GPR149: variants seen among roughly 807,000 people sequenced by gnomAD.
GPR149 encodes G protein-coupled receptor 149.
Under a neutral mutation model 50.2 loss-of-function variants are expected in GPR149, and 50 were observed. The ratio of observed to expected loss-of-function variants is 1.00; its 90% confidence interval spans 0.79 to 1.26. The LOEUF (loss-of-function observed/expected upper bound fraction) is 1.26, where lower values mean the gene tolerates loss of function less well. Ranked by LOEUF, GPR149 falls within the 50% of genes most tolerant of loss-of-function variation. The pLI is 0.00. For missense variants in GPR149, 983 were observed against 895.4 expected, an observed-to-expected ratio of 1.10 and a Z score of -1.25; for synonymous variants, 405 against 358.2, an observed-to-expected ratio of 1.13 and a Z score of -1.48.
At position 154,420,519 on chromosome 3, in the gene GPR149, TA is replaced by T. The variant is rs964884146; in HGVS notation, c.1623+519del. ...ATGCTCACGAGAATGTATTCTGTAA[TA>T]TTTTTTTTCTGCTGGGTACTGGAGG... On this transcript the variant is annotated intron_variant, in intron 3 of 3. Coordinates refer to ENST00000389740, the MANE Select transcript of GPR149 (RefSeq NM_001038705.3). Among the ~76,000 whole-genome samples the T allele has an allele frequency of 1.1e-4, 17 of 152,140 alleles. No individual in the cohort carries two copies. In the South Asian group the frequency reaches 2.5e-3, roughly 22 times the overall value.
intron 3 of GPR149, among the ~76,000 whole-genome samples, chr3:154,375,432 A>T (rs1714769474): frequency 6.6e-6 from 1 of 152,202 alleles, no homozygotes; most frequent in Admixed American, 6.5e-5. Context: ...AAATACCTGT[A>T]GGCTATTTTG....
chr3:154,411,515 A>C (rs1316240786), intron 3 of GPR149, among the ~76,000 whole-genome samples: 1 of 152,162 alleles, frequency 6.6e-6, no homozygotes, highest in Non-Finnish European at 1.5e-5. Flanking sequence ...GAAATGGGAA[A>C]TATTACAGAT....
intron 3 of GPR149, among the ~76,000 whole-genome samples, chr3:154,365,604 C>T (rs921552444): frequency 2.0e-5 from 3 of 152,142 alleles, no homozygotes; most frequent in African/African-American, 7.2e-5. Context: ...TTACTATAAG[C>T]GGTTAAGAAA....
At chr3:154,374,890 A>C (rs937270244) in intron 3 of GPR149, among the ~76,000 whole-genome samples, 17 of 152,182 alleles carry the variant, frequency 1.1e-4, no homozygotes, top group Non-Finnish European at 2.1e-4. Flanking sequence ...ACAGACTGCT[A>C]TTACAGTTAC....
chr3:154,343,935 C>T (rs1713861421), intron 3 of GPR149, among the ~76,000 whole-genome samples: 1 of 151,934 alleles, frequency 6.6e-6, no homozygotes, highest in African/African-American at 2.4e-5. Flanking sequence ...GCCATGATCA[C>T]GCCACTGCAT....
intron 2 of GPR149, among the ~76,000 whole-genome samples, chr3:154,421,699 G>C (rs16824029): frequency 0.13 from 19,166 of 151,682 alleles, 1,371 homozygotes; most frequent in East Asian, 0.27. Context: ...TTTACAAAAT[G>C]ATGGTCTTTA....
At chr3:154,415,136 AGT>A (rs1415330655) in intron 3 of GPR149, among the ~76,000 whole-genome samples, 2 of 138,638 alleles carry the variant, frequency 1.4e-5, no homozygotes, top group African/African-American at 2.7e-5. Flanking sequence ...CTTGAGTTCA[AGT>A]AGAGAGTAAC....
chr3:154,337,942 G>A lies in GPR149; in HGVS notation c.1953C>T (p.Ser651=), dbSNP rs762772012. 2.5e-6 allele frequency: 4 copies of A among 1,613,502 alleles called. No homozygotes were observed. In the South Asian group the frequency reaches 4.4e-5, roughly 18 times the overall value. ...SQSSTQVRSP[S]LRYSRKENRF... ...TGTTTTCTTTCCTGGAGTAACGTAGGGATGGAGATCTGACTTGTGTGGAGG... is the reference window on the plus strand; with the variant it reads ...TGTTTTCTTTCCTGGAGTAACGTAGAGATGGAGATCTGACTTGTGTGGAGG... The change falls in exon 4 of 4, where the codon TCC becomes TCT. Residue 651 remains serine (S), a synonymous_variant. Transcript: ENST00000389740.
intron 3 of GPR149, chr3:154,354,757 G>A: frequency 1.4e-6 from 1 of 727,456 alleles, no homozygotes; most frequent in Non-Finnish European, 2.0e-6. Context: ...CTCCAAGGGT[G>A]TTTTCAGCTC....
intron 3 of GPR149, among the ~76,000 whole-genome samples, chr3:154,344,250 AT>A (rs1202452770): frequency 6.6e-6 from 1 of 152,210 alleles, no homozygotes; most frequent in Non-Finnish European, 1.5e-5. Flanking sequence ...TCAGGAAACA[AT>A]AACAACAAAC....
chr3:154,428,109 C>T (rs1354133201), intron 1 of GPR149, among the ~76,000 whole-genome samples: 1 of 152,154 alleles, frequency 6.6e-6, no homozygotes, highest in Non-Finnish European at 1.5e-5. Context: ...GCCACTCTGC[C>T]ACCTCTTAAT....
chr3:154,385,684 ATTTC>A (rs939393704), intron 3 of GPR149, among the ~76,000 whole-genome samples: 75 of 149,044 alleles, frequency 5.0e-4, no homozygotes, highest in African/African-American at 1.5e-3. Context: ...ACTTTCACAA[ATTTC>A]TTTCTTTCTT....
intron 3 of GPR149, among the ~76,000 whole-genome samples, chr3:154,340,885 C>A (rs1030824123): frequency 6.6e-6 from 1 of 152,078 alleles, no homozygotes. Flanking sequence ...CCACACCTGG[C>A]TAGTTTCTGT....
Position 154,385,012 on chromosome 3 carries a change from G to A in GPR149, c.1623+36027C>T, listed in dbSNP as rs564606972. Reference sequence around the variant, plus strand: ...ATAAAGCCTTTGATGAATATCTTTTGCGTGTGATAGTATGTGTGTCTGTGC... The same window carrying A: ...ATAAAGCCTTTGATGAATATCTTTTACGTGTGATAGTATGTGTGTCTGTGC... On this transcript the variant is annotated intron_variant, in intron 3 of 3. Coordinates refer to ENST00000389740, the MANE Select transcript of GPR149 (RefSeq NM_001038705.3). Among the ~76,000 whole-genome samples, 5 of 152,238 alleles carry A rather than the reference G, an allele frequency of 3.3e-5. No individual in the cohort carries two copies. In the East Asian group the frequency reaches 9.6e-4, roughly 29 times the overall value.
intron 3 of GPR149, among the ~76,000 whole-genome samples, chr3:154,390,254 C>T (rs1715140387): frequency 6.6e-6 from 1 of 151,900 alleles, no homozygotes; most frequent in South Asian, 2.1e-4. Context: ...GAAACCAACC[C>T]TAATGAAACA....
intron 3 of GPR149, chr3:154,352,881 C>T: frequency 1.1e-6 from 1 of 910,884 alleles, no homozygotes; most frequent in Non-Finnish European, 1.9e-6. Context: ...ATATACAAAT[C>T]CCTGTCCAGC....
At chr3:154,354,374 G>T in intron 3 of GPR149, 1 of 210,588 alleles carries the variant, frequency 4.7e-6, no homozygotes, top group Non-Finnish European at 9.5e-6. Flanking sequence ...TAAGGTCAGG[G>T]GGTAGATTCT....
intron 3 of GPR149, chr3:154,353,860 T>A (rs1257449986): frequency 1.7e-6 from 1 of 605,486 alleles, no homozygotes; most frequent in African/African-American, 1.9e-5. Context: ...GAAAGAGATA[T>A]GTTACCCTTT....
chr3:154,340,784 C>A (rs763723027), intron 3 of GPR149, among the ~76,000 whole-genome samples: 52 of 152,110 alleles, frequency 3.4e-4, no homozygotes, highest in Non-Finnish European at 8.8e-5. Flanking sequence ...CGCAATGGCG[C>A]CGTCTCGGCT....
Sources: allele counts gnomAD v4.1 joint callset (sites outside exome capture counted in the v4.1 genomes callset), GRCh38; gene constraint gnomAD v4.1.1; transcripts MANE v1.5; gene names NCBI Gene and HGNC (gene_info 2026-07-23, HGNC 2026-07-21).